AFG1L: variants seen among roughly 807,000 people sequenced by gnomAD.
AFG1L encodes AFG1 like ATPase, also known as AFG1-like ATPase.
Under a neutral mutation model 62.2 loss-of-function variants are expected in AFG1L, and 53 were observed. That is an observed-to-expected ratio of 0.85 (90% CI 0.68 to 1.07). The LOEUF (loss-of-function observed/expected upper bound fraction) is 1.07. Ranked by LOEUF, AFG1L falls within the 50% of genes least tolerant of loss-of-function variation. The probability of loss-of-function intolerance (pLI) is 0.00; values close to 1 mark genes in which losing one functional copy is unlikely to be tolerated. For missense variants in AFG1L, 555 were observed against 590.5 expected (o/e 0.94, Z 0.62); for synonymous variants, 228 against 210.3 (o/e 1.08, Z -0.73).
intron 10 of AFG1L, among the ~76,000 whole-genome samples, chr6:108,486,757 C>T (rs1773589706): frequency 6.6e-6 from 1 of 151,908 alleles, no homozygotes; most frequent in Admixed American, 6.6e-5. Flanking sequence ...CTTGCTCTGT[C>T]ACCCAGGCAT....
At chr6:108,420,739 C>T (rs886987079) in intron 7 of AFG1L, among the ~76,000 whole-genome samples, 5 of 151,682 alleles carry the variant, frequency 3.3e-5, no homozygotes, top group Admixed American at 2.0e-4. Flanking sequence ...AAAGATTTTT[C>T]GCGACATATG....
intron 5 of AFG1L, among the ~76,000 whole-genome samples, chr6:108,360,477 G>T (rs905968033): frequency 1.3e-5 from 2 of 152,014 alleles, no homozygotes; most frequent in African/African-American, 4.8e-5. Flanking sequence ...TAGCATTCTT[G>T]TATGTTAGAG....
In AFG1L at chr6:108,323,558, C is replaced by T. The variant is rs1382343081; in HGVS notation, c.140-267C>T. ...TGTGTTTTTAGTAGAGATGTGGTTT[C>T]ACCATTTGGCCAGGATGATCTTGAA... On this transcript the variant is annotated intron_variant, in intron 1 of 12. Transcript: ENST00000368977. 2.0e-5 allele frequency among the ~76,000 whole-genome samples: 3 copies of T among 152,100 alleles called. No homozygotes were observed. The East Asian group carries it at 5.8e-4, about 29-fold the overall frequency.
chr6:108,315,786 G>T (rs73513964), intron 1 of AFG1L, among the ~76,000 whole-genome samples: 14,648 of 152,176 alleles, frequency 0.096, 1,972 homozygotes, highest in African/African-American at 0.3. Context: ...GGTAGCTCAT[G>T]CCTGTAATTC....
intron 8 of AFG1L, among the ~76,000 whole-genome samples, chr6:108,460,683 C>T (rs938373270): frequency 5.9e-5 from 9 of 152,098 alleles, no homozygotes; most frequent in African/African-American, 1.9e-4. Context: ...CCTGGCCAGG[C>T]GTGGTGGCTC....
intron 8 of AFG1L, among the ~76,000 whole-genome samples, chr6:108,459,107 C>CTTT (rs1772360624): frequency 6.6e-6 from 1 of 152,150 alleles, no homozygotes; most frequent in Non-Finnish European, 1.5e-5. Flanking sequence ...AGGGGTAATG[C>CTTT]TTTGTGATTC....
At chr6:108,425,361 AGTT>A (rs1460999746) in intron 7 of AFG1L, among the ~76,000 whole-genome samples, 3 of 152,286 alleles carry the variant, frequency 2.0e-5, no homozygotes, top group East Asian at 3.9e-4. Context: ...GGTTGTGATC[AGTT>A]GCCCCATACT....
At chr6:108,326,185 C>T (rs561993608) in intron 2 of AFG1L, among the ~76,000 whole-genome samples, 8 of 152,240 alleles carry the variant, frequency 5.3e-5, no homozygotes, top group South Asian at 4.1e-4. Flanking sequence ...ATTCTCCTCC[C>T]GCAGCCCCCT....
At chr6:108,348,174 G>A (rs919254280) in intron 3 of AFG1L, among the ~76,000 whole-genome samples, 5 of 152,116 alleles carry the variant, frequency 3.3e-5, no homozygotes, top group African/African-American at 9.7e-5. Context: ...CGCCTCCCGG[G>A]TTCACGCCAT....
chr6:108,387,514 A>G (rs972519363), intron 6 of AFG1L: 1 of 152,292 alleles, frequency 6.6e-6, no homozygotes, highest in Admixed American at 6.5e-5. Flanking sequence ...CCTGGGCCAT[A>G]GTGCTGAAGT....
intron 1 of AFG1L, among the ~76,000 whole-genome samples, chr6:108,311,238 A>C (rs1305978700): frequency 2.0e-5 from 3 of 152,122 alleles, no homozygotes; most frequent in African/African-American, 4.8e-5. Flanking sequence ...AGTGTTCCAC[A>C]CTGTCGTGTT....
At chr6:108,370,364 AATG>A (rs1298526095) in intron 6 of AFG1L, among the ~76,000 whole-genome samples, 1 of 152,118 alleles carries the variant, frequency 6.6e-6, no homozygotes, top group Non-Finnish European at 1.5e-5. Context: ...CTAGACAAGA[AATG>A]ATGATACCTT....
chr6:108,318,716 G>T (rs1266037809), intron 1 of AFG1L, among the ~76,000 whole-genome samples: 1 of 152,170 alleles, frequency 6.6e-6, no homozygotes, highest in Non-Finnish European at 1.5e-5. Flanking sequence ...TGAAGTATTC[G>T]AAAGAATAGC....
intron 2 of AFG1L, among the ~76,000 whole-genome samples, chr6:108,326,712 C>T (rs1037629926): frequency 2.0e-5 from 3 of 152,184 alleles, no homozygotes; most frequent in Admixed American, 6.5e-5. Context: ...GTAATCCCAG[C>T]ACTTTGGGAA....
intron 8 of AFG1L, among the ~76,000 whole-genome samples, chr6:108,475,401 T>C (rs1017991610): frequency 6.6e-6 from 1 of 152,198 alleles, no homozygotes. Flanking sequence ...TTAAGCTCTT[T>C]TTTTTCTTTT....
At chr6:108,314,392 T>C (rs59675917) in intron 1 of AFG1L, among the ~76,000 whole-genome samples, 1 of 151,712 alleles carries the variant, frequency 6.6e-6, no homozygotes, top group African/African-American at 2.4e-5. Flanking sequence ...ACCTTCTGCT[T>C]CTTCTTTTTT....
intron 10 of AFG1L, among the ~76,000 whole-genome samples, chr6:108,494,068 C>T (rs1342123215): frequency 1.3e-5 from 2 of 152,094 alleles, no homozygotes; most frequent in African/African-American, 4.8e-5. Context: ...GCAATCCGCC[C>T]GTCTCGGCCT....
intron 6 of AFG1L, among the ~76,000 whole-genome samples, chr6:108,369,943 G>GATCTATCTAT (rs1562113955): frequency 4.9e-3 from 308 of 62,458 alleles, no homozygotes; most frequent in South Asian, 0.011. Context: ...TGGCTGGCTG[G>GATCTATCTAT]CTGGCTATCT....
chr6:108,398,713 C>T (rs1458251067), intron 6 of AFG1L, among the ~76,000 whole-genome samples: 1 of 152,054 alleles, frequency 6.6e-6, no homozygotes, highest in African/African-American at 2.4e-5. Context: ...ATGGTCTTTT[C>T]CCCAGTGTGT....
Sources: gnomAD v4.1 joint callset for allele counts (sites outside exome capture counted in the v4.1 genomes callset) on GRCh38, gnomAD v4.1.1 for gene constraint, MANE v1.5 for transcripts, NCBI Gene and HGNC (gene_info 2026-07-23, HGNC 2026-07-21) for gene names.